IGF2BP2: variants seen among roughly 807,000 people sequenced by gnomAD.
IGF2BP2 encodes the protein insulin like growth factor 2 mRNA binding protein 2.
Under a neutral mutation model 75.8 loss-of-function variants are expected in IGF2BP2, and 17 were observed. That is an observed-to-expected ratio of 0.22 (90% CI 0.15 to 0.34). IGF2BP2 has a LOEUF of 0.34. Ranked by LOEUF, IGF2BP2 falls within the 10% of genes least tolerant of loss-of-function variation. The pLI is 1.00. For missense variants in IGF2BP2, 516 were observed against 772.4 expected (o/e 0.67, Z 3.93); for synonymous variants, 288 against 295.6 (o/e 0.97, Z 0.26).
rs1311878307 is a variant in IGF2BP2, at chr3:185,675,283, A to G, written c.1071+13T>C. 2 of 1,601,868 alleles carry G rather than the reference A, an allele frequency of 1.2e-6. No homozygotes were observed. The highest frequency in any genetic ancestry group is 3.5e-5 in the Admixed American group (2 of 56,422). Reference sequence around the variant, plus strand: ...AGTGAAAACCAGCGGAGAAGAAAGCATTAGGGACTTACGTTAACAGCCAGC... The same window carrying G: ...AGTGAAAACCAGCGGAGAAGAAAGCGTTAGGGACTTACGTTAACAGCCAGC... On this transcript the variant is annotated intron_variant, in intron 9 of 15. Coordinates refer to ENST00000382199, the MANE Select transcript of IGF2BP2 (RefSeq NM_006548.6).
intron 2 of IGF2BP2, among the ~76,000 whole-genome samples, chr3:185,711,987 C>T (rs897437314): frequency 6.6e-6 from 1 of 152,190 alleles, no homozygotes; most frequent in East Asian, 1.9e-4. Flanking sequence ...TCCTGATGTG[C>T]TCAGGAGAGT....
intron 2 of IGF2BP2, among the ~76,000 whole-genome samples, chr3:185,706,206 A>G (rs1460162422): frequency 6.6e-6 from 1 of 152,160 alleles, no homozygotes; most frequent in African/African-American, 2.4e-5. Context: ...TCATCTCTAC[A>G]AAAAGAGATG....
chr3:185,740,927 G>A (rs551411020), intron 2 of IGF2BP2, among the ~76,000 whole-genome samples: 2 of 152,302 alleles, frequency 1.3e-5, no homozygotes, highest in South Asian at 2.1e-4. Context: ...GCCCAGGCTG[G>A]AGTGCGGTGG....
intron 2 of IGF2BP2, among the ~76,000 whole-genome samples, chr3:185,725,970 T>TG (rs926389644): frequency 3.9e-5 from 6 of 152,090 alleles, no homozygotes; most frequent in African/African-American, 1.4e-4. Context: ...AAAAAATAAA[T>TG]TAATAAATTA....
rs73058850 is a variant in IGF2BP2, at chr3:185,684,865, C to G, written c.812+2192G>C. Reference sequence around the variant, plus strand: ...GAAGGAAAAAAAAAAAAGCAGGAACCAAGTCCTGCTCATGGTTGTAGCCTC... The same window carrying G: ...GAAGGAAAAAAAAAAAAGCAGGAACGAAGTCCTGCTCATGGTTGTAGCCTC... On this transcript the variant is annotated intron_variant, in intron 7 of 15. Transcript: ENST00000382199. Among the ~76,000 whole-genome samples the G allele has an allele frequency of 2.4e-3, 364 of 152,026 alleles. 2 individuals are homozygous for G. Among genetic ancestry groups the G allele is most frequent in the African/African-American group, 7.8e-3 (324 of 41,490 alleles).
chr3:185,694,782 A>G (rs1722368550), intron 4 of IGF2BP2, among the ~76,000 whole-genome samples: 2 of 152,174 alleles, frequency 1.3e-5, no homozygotes, highest in South Asian at 4.1e-4. Flanking sequence ...TACAACACCC[A>G]ATCATTAGAA....
intron 2 of IGF2BP2, among the ~76,000 whole-genome samples, chr3:185,701,971 C>T (rs957603267): frequency 1.9e-4 from 29 of 152,034 alleles, no homozygotes; most frequent in African/African-American, 5.6e-4. Flanking sequence ...CCTCCTTCCC[C>T]GGGAGGGACT....
At chr3:185,675,073 C>T (rs1719121935) in intron 9 of IGF2BP2, 7 of 266,282 alleles carry the variant, frequency 2.6e-5, no homozygotes, top group Non-Finnish European at 2.6e-5. Context: ...ATAAGCTTTT[C>T]CTTATTTCAG....
intron 2 of IGF2BP2, among the ~76,000 whole-genome samples, chr3:185,807,683 C>T (rs1397851919): frequency 1.3e-5 from 2 of 152,142 alleles, no homozygotes; most frequent in Admixed American, 1.3e-4. Context: ...GTTTAATGAA[C>T]AAAATAAGGC....
chr3:185,761,013 G>A (rs1732285493), intron 2 of IGF2BP2, among the ~76,000 whole-genome samples: 2 of 102,600 alleles, frequency 1.9e-5, no homozygotes, highest in Admixed American at 1.0e-4. Flanking sequence ...TTTTTTTTGA[G>A]GGGGGGAACC....
intron 13 of IGF2BP2, 53 bp from the exon 14 acceptor site, chr3:185,649,587 T>C: frequency 6.2e-7 from 1 of 1,607,254 alleles, no homozygotes; most frequent in Non-Finnish European, 8.5e-7. Flanking sequence ...AGCCGGCCAC[T>C]TCATCAGTGC....
chr3:185,720,459 G>A (rs749968075), intron 2 of IGF2BP2, among the ~76,000 whole-genome samples: 5 of 152,150 alleles, frequency 3.3e-5, no homozygotes, highest in African/African-American at 7.2e-5. Context: ...CACCGCGCCC[G>A]GCCCCCAAAG....
chr3:185,680,736 G>T (rs1720254205), intron 7 of IGF2BP2, among the ~76,000 whole-genome samples: 1 of 152,044 alleles, frequency 6.6e-6, no homozygotes, highest in African/African-American at 2.4e-5. Flanking sequence ...TTGAGGCCAG[G>T]GGTTCAAGAC....
rs1224172885 is a variant in IGF2BP2, at chr3:185,701,674, T to C, written c.240-3327A>G. 2.0e-5 allele frequency among the ~76,000 whole-genome samples: 3 copies of C among 152,320 alleles called. 1 individual carries two copies. The highest frequency in any genetic ancestry group is 1.5e-5 in the Non-Finnish European group (1 of 68,034). On this transcript the variant is annotated intron_variant, in intron 2 of 15. Coordinates refer to ENST00000382199, the MANE Select transcript of IGF2BP2 (RefSeq NM_006548.6). ...CACATAAGTTCAGTAACTGGGAATG[T>C]CCTGCTTTGTTAAGCCAGACACTTG...
chr3:185,715,411 C>A (rs1464448188), intron 2 of IGF2BP2, among the ~76,000 whole-genome samples: 2 of 152,194 alleles, frequency 1.3e-5, no homozygotes, highest in Non-Finnish European at 2.9e-5. Flanking sequence ...TCATCACGCC[C>A]CACACAGAGT....
intron 2 of IGF2BP2, among the ~76,000 whole-genome samples, chr3:185,699,463 T>C (rs1230233073): frequency 6.6e-6 from 1 of 152,218 alleles, no homozygotes; most frequent in African/African-American, 2.4e-5. Flanking sequence ...TTTTTATTTC[T>C]GAATAGGTAC....
chr3:185,665,485 G>A (rs933527377), intron 10 of IGF2BP2, among the ~76,000 whole-genome samples: 6,699 of 65,790 alleles, frequency 0.1, 1,190 homozygotes, highest in Middle Eastern at 0.15. Flanking sequence ...GGAGAAGAAG[G>A]AGGAGAAGGA....
intron 10 of IGF2BP2, among the ~76,000 whole-genome samples, chr3:185,671,398 G>A (rs1252555820): frequency 6.6e-6 from 1 of 151,994 alleles, no homozygotes; most frequent in Non-Finnish European, 1.5e-5. Context: ...TTAGCTGGGT[G>A]TGGTGATGCA....
rs1237402215 is a variant in IGF2BP2, at chr3:185,675,784, G to T, written c.935+7C>A. On this transcript the variant is annotated splice_region_variant and intron_variant, in intron 8 of 15. Transcript: ENST00000382199. Reference sequence around the variant, plus strand: ...TTGGGCATGAGTAATCTGAGTAAGTGGCTTACGATGAGATTGTTATCTTGG... The same window carrying T: ...TTGGGCATGAGTAATCTGAGTAAGTTGCTTACGATGAGATTGTTATCTTGG... 1.9e-5 allele frequency: 30 copies of T among 1,611,746 alleles called. No individual in the cohort carries two copies. Among genetic ancestry groups the T allele is most frequent in the Non-Finnish European group, 2.4e-5 (28 of 1,179,680 alleles).
Sources: gnomAD v4.1 joint callset for allele counts (sites outside exome capture counted in the v4.1 genomes callset) on GRCh38, gnomAD v4.1.1 for gene constraint, MANE v1.5 for transcripts, NCBI Gene and HGNC (gene_info 2026-07-23, HGNC 2026-07-21) for gene names.